Variants in C12orf42 observed in about 807,000 individuals in gnomAD.
C12orf42 encodes uncharacterized protein C12orf42.
A neutral mutation model predicts 21.6 loss-of-function variants in C12orf42; 25 were observed. That is an observed-to-expected ratio of 1.16 (90% CI 0.84 to 1.62). C12orf42 has a LOEUF of 1.62. Among genes scored for constraint, C12orf42 ranks in the 40% most tolerant of loss-of-function variants. The probability of loss-of-function intolerance (pLI) is 0.00; values close to 1 mark genes in which losing one functional copy is unlikely to be tolerated. For missense variants in C12orf42, 483 were observed against 459.3 expected (o/e 1.05, Z -0.47); for synonymous variants, 174 against 175.0 (o/e 0.99, Z 0.05).
chr12:103,094,756 A>G, the C12orf42 span, among the ~76,000 whole-genome samples: 1 of 152,164 alleles, frequency 6.6e-6, no homozygotes. Flanking sequence ...CATTTGTTGG[A>G]AAAAAGATTA....
At chr12:103,212,344 A>G in the C12orf42 span, among the ~76,000 whole-genome samples, 3 of 152,270 alleles carry the variant, frequency 2.0e-5, no homozygotes, top group East Asian at 3.9e-4. Flanking sequence ...TAACTAATGT[A>G]TTTGTTTCCT....
chr12:103,084,202 T>C, the C12orf42 span, among the ~76,000 whole-genome samples: 4 of 152,338 alleles, frequency 2.6e-5, no homozygotes, highest in South Asian at 8.3e-4. Context: ...TCTGTTCAAT[T>C]GCCTCTGTAA....
chr12:103,348,310 C>T (rs894496431), intron 4 of C12orf42, among the ~76,000 whole-genome samples: 2 of 152,210 alleles, frequency 1.3e-5, no homozygotes, highest in Non-Finnish European at 2.9e-5. Context: ...TCTTATAATT[C>T]GTGAGTACCG....
At chr12:103,420,322 T>C (rs563193206) in intron 2 of C12orf42, among the ~76,000 whole-genome samples, 2 of 152,346 alleles carry the variant, frequency 1.3e-5, no homozygotes, top group Non-Finnish European at 1.5e-5. Flanking sequence ...ATTGGGGACT[T>C]CTTTCCTTTG....
Position 103,423,234 on chromosome 12 carries a change from C to T in C12orf42, c.79-21559G>A, listed in dbSNP as rs558848625. Among the ~76,000 whole-genome samples the T allele has an allele frequency of 4.6e-5, 7 of 152,298 alleles. No homozygotes were observed. In the East Asian group the frequency reaches 1.3e-3, roughly 29 times the overall value. ...CTGAGTATCCTCTGTGAAGAATTAA[C>T]AAGTGTGACAATTTGTGGGCCCTCC... On this transcript the variant is annotated intron_variant, in intron 2 of 5. Coordinates refer to ENST00000548883, the MANE Select transcript of C12orf42 (RefSeq NM_198521.5).
chr12:103,295,623 A>G (rs993840424), intron 4 of C12orf42, among the ~76,000 whole-genome samples: 2 of 152,186 alleles, frequency 1.3e-5, no homozygotes, highest in South Asian at 2.1e-4. Flanking sequence ...GAGGAACATG[A>G]TGACACAGTC....
At chr12:103,491,075 T>C (rs1311791511) in intron 1 of C12orf42, among the ~76,000 whole-genome samples, 1 of 152,182 alleles carries the variant, frequency 6.6e-6, no homozygotes, top group Non-Finnish European at 1.5e-5. Flanking sequence ...GTTTATGTAT[T>C]AAATTTCTAT....
chr12:103,059,891 G>C, the C12orf42 span, among the ~76,000 whole-genome samples: 1 of 152,116 alleles, frequency 6.6e-6, no homozygotes, highest in African/African-American at 2.4e-5. Flanking sequence ...ATGGGCAAAA[G>C]CTGGAAGCAT....
chr12:103,274,670 C>G (rs2035661258), intron 5 of C12orf42, among the ~76,000 whole-genome samples: 2 of 152,122 alleles, frequency 1.3e-5, no homozygotes. Flanking sequence ...TATGCATGCA[C>G]ATGAACATGC....
At chr12:103,451,452 G>C (rs1195012343) in intron 2 of C12orf42, among the ~76,000 whole-genome samples, 1 of 151,978 alleles carries the variant, frequency 6.6e-6, no homozygotes, top group East Asian at 1.9e-4. Context: ...GGGTTCAAGG[G>C]ATCCTAGCAC....
At chr12:103,113,314 G>C in the C12orf42 span, among the ~76,000 whole-genome samples, 2 of 152,120 alleles carry the variant, frequency 1.3e-5, no homozygotes, top group Admixed American at 6.6e-5. Context: ...AAACAAACAT[G>C]TTTAGCCCAA....
intron 4 of C12orf42, chr12:103,368,202 G>A (rs1593647039): frequency 3.9e-6 from 2 of 506,708 alleles, no homozygotes; most frequent in East Asian, 1.4e-4. Flanking sequence ...ATATCTTTTG[G>A]GCTTGACACA....
chr12:103,514,831 A>T, the C12orf42 span, among the ~76,000 whole-genome samples: 1 of 152,340 alleles, frequency 6.6e-6, no homozygotes, highest in East Asian at 1.9e-4. Flanking sequence ...ATTCCCAAAT[A>T]TACCTATAGA....
intron 1 of C12orf42, among the ~76,000 whole-genome samples, chr12:103,492,019 C>T (rs192085034): frequency 2.0e-5 from 3 of 152,196 alleles, no homozygotes; most frequent in East Asian, 1.9e-4. Flanking sequence ...GGCAGTGGCA[C>T]GATCTCAGCT....
the C12orf42 span, among the ~76,000 whole-genome samples, chr12:103,209,607 C>T: frequency 2.0e-5 from 3 of 152,178 alleles, no homozygotes; most frequent in East Asian, 1.9e-4. Flanking sequence ...CAACGGCCAG[C>T]GCTGAGACAC....
chr12:103,054,846 A>T, the C12orf42 span, among the ~76,000 whole-genome samples: 1 of 151,876 alleles, frequency 6.6e-6, no homozygotes, highest in Non-Finnish European at 1.5e-5. Flanking sequence ...GATATTTTTC[A>T]TTAGCCTGTT....
At chr12:103,194,827 A>T in the C12orf42 span, among the ~76,000 whole-genome samples, 1 of 152,158 alleles carries the variant, frequency 6.6e-6, no homozygotes, top group African/African-American at 2.4e-5. Flanking sequence ...CAGGAAGTAC[A>T]TGTGCAGGTT....
chr12:103,398,941 G>A (rs4433658), intron 3 of C12orf42, among the ~76,000 whole-genome samples: 1 of 151,972 alleles, frequency 6.6e-6, no homozygotes, highest in African/African-American at 2.4e-5. Context: ...TAACTTGATC[G>A]TTCATTTAAC....
At chr12:103,178,394 T>C in the C12orf42 span, 1 of 152,116 alleles carries the variant, frequency 6.6e-6, no homozygotes, top group Non-Finnish European at 1.5e-5. Flanking sequence ...AAGTTTCGAG[T>C]TCGGTTTGGC....
Sources: gnomAD v4.1 joint callset for allele counts (sites outside exome capture counted in the v4.1 genomes callset) on GRCh38, gnomAD v4.1.1 for gene constraint, MANE v1.5 for transcripts, NCBI Gene and HGNC (gene_info 2026-07-23, HGNC 2026-07-21) for gene names.